Variants in EZH2 observed in about 807,000 individuals in gnomAD.
EZH2 encodes histone-lysine N-methyltransferase EZH2.
A neutral mutation model predicts 98.4 loss-of-function variants in EZH2; 18 were observed. The ratio of observed to expected loss-of-function variants is 0.18; its 90% confidence interval spans 0.13 to 0.27. The LOEUF is 0.27. EZH2 is among the 10% of genes least tolerant of loss of function. EZH2 has a pLI of 1.00. For missense variants in EZH2, 470 were observed against 935.1 expected, an observed-to-expected ratio of 0.50 and a Z score of 6.49; for synonymous variants, 338 against 312.3, an observed-to-expected ratio of 1.08 and a Z score of -0.87.
intron 1 of EZH2, among the ~76,000 whole-genome samples, chr7:148,867,065 G>A (rs1488341979): frequency 5.3e-5 from 8 of 149,960 alleles, no homozygotes; most frequent in African/African-American, 1.2e-4. Context: ...GGTGGCTCAC[G>A]CCTGTAATCC....
chr7:148,836,122 C>CT (rs1377489305), intron 3 of EZH2, among the ~76,000 whole-genome samples: 1 of 152,174 alleles, frequency 6.6e-6, no homozygotes, highest in Non-Finnish European at 1.5e-5. Flanking sequence ...GGCTTCACCT[C>CT]TGTCTTGAAA....
At chr7:148,879,274 G>A (rs185802915) in intron 1 of EZH2, among the ~76,000 whole-genome samples, 85 of 150,236 alleles carry the variant, frequency 5.7e-4, no homozygotes, top group African/African-American at 2.0e-3. Flanking sequence ...AACACAGCAG[G>A]GTGTGGTGGC....
intron 1 of EZH2, among the ~76,000 whole-genome samples, chr7:148,875,770 C>G (rs373802482): frequency 1.3e-5 from 2 of 152,170 alleles, no homozygotes; most frequent in Non-Finnish European, 2.9e-5. Context: ...GTGATAGCAG[C>G]TTTATCAACA....
Position 148,826,514 on chromosome 7 carries a change from T to C in EZH2, c.847A>G (p.Thr283Ala). Reference protein sequence around the residue: ...QREQSLHSFHTLFCRRCFKYD... With the variant: ...QREQSLHSFHALFCRRCFKYD... Reference sequence around the variant, plus strand: ...TTAAAACATCGCCTACAGAAAAGCGTATGAAAGGAGTGTAAGCTTTGCTCT... The same window carrying C: ...TTAAAACATCGCCTACAGAAAAGCGCATGAAAGGAGTGTAAGCTTTGCTCT... Residue 283 changes from threonine to alanine, a missense_variant, in exon 8 of 20, where the codon ACG becomes GCG. This residue lies in a region of EZH2 where 192 missense variants were observed against 306.8 expected (regional missense o/e 0.63). Coordinates refer to ENST00000320356, the MANE Select transcript of EZH2 (RefSeq NM_004456.5). 1 of 1,605,468 alleles carries C rather than the reference T, an allele frequency of 6.2e-7. No homozygotes were observed. Among genetic ancestry groups the C allele is most frequent in the Non-Finnish European group, 8.5e-7 (1 of 1,174,680 alleles).
At chr7:148,817,163 G>C in intron 11 of EZH2, 59 bp downstream of exon 11, 1 of 1,481,098 alleles carries the variant, frequency 6.8e-7, no homozygotes, top group Non-Finnish European at 9.1e-7. Context: ...TGGACAACGA[G>C]TACAGTTTTA....
intron 1 of EZH2, among the ~76,000 whole-genome samples, chr7:148,854,297 G>A (rs932317111): frequency 1.5e-4 from 23 of 152,054 alleles, no homozygotes; most frequent in African/African-American, 2.4e-4. Context: ...TTAGCCAGGC[G>A]TGGTGGCGGG....
rs374249299 is a variant in EZH2 at position 148,823,527 on chromosome 7, CTG to C, written c.907+2925_907+2926del. Among the ~76,000 whole-genome samples the C allele has an allele frequency of 1.8e-4, 28 of 151,812 alleles. No individual in the cohort carries two copies. The East Asian group carries it at 3.5e-3, about 19-fold the overall frequency. ...GGTATCTTTATACTTGTCAAAGAAA[CTG>C]TAAAAAAAATACGAGAACCAATAAA... On this transcript the variant is annotated intron_variant, in intron 8 of 19. Coordinates refer to ENST00000320356, the MANE Select transcript of EZH2 (RefSeq NM_004456.5).
At chr7:148,869,138 T>G (rs770034087) in intron 1 of EZH2, among the ~76,000 whole-genome samples, 1 of 152,082 alleles carries the variant, frequency 6.6e-6, no homozygotes, top group Admixed American at 6.5e-5. Flanking sequence ...GCATTAGATG[T>G]TCTATGAATT....
chr7:148,864,312 G>T (rs1264950543), intron 1 of EZH2, among the ~76,000 whole-genome samples: 1 of 152,068 alleles, frequency 6.6e-6, no homozygotes, highest in African/African-American at 2.4e-5. Context: ...CTGAAGAACT[G>T]AACTATTTTA....
rs529293305 is a variant in EZH2 at position 148,855,615 on chromosome 7, A to T, written c.-7-8310T>A. Among the ~76,000 whole-genome samples, 11 of 152,226 alleles carry T rather than the reference A, an allele frequency of 7.2e-5. No individual in the cohort carries two copies. In the South Asian group the frequency reaches 2.3e-3, roughly 32 times the overall value. ...TATCAGCATTAAAAAAGTAGTGGCT[A>T]TCAGGTGGGCGCTGTGGCTCCCGCC... On this transcript the variant is annotated intron_variant, in intron 1 of 19. Coordinates refer to ENST00000320356, the MANE Select transcript of EZH2 (RefSeq NM_004456.5).
At chr7:148,833,225 G>A (rs1489113142) in intron 3 of EZH2, among the ~76,000 whole-genome samples, 12 of 152,070 alleles carry the variant, frequency 7.9e-5, no homozygotes, top group Admixed American at 6.6e-4. Flanking sequence ...TTGGGAGGCC[G>A]AGACGGGCGG....
At chr7:148,829,452 T>C (rs1808698140) in intron 5 of EZH2, among the ~76,000 whole-genome samples, 1 of 152,082 alleles carries the variant, frequency 6.6e-6, no homozygotes, top group African/African-American at 2.4e-5. Flanking sequence ...CTACATACAC[T>C]CAAGTTCTAT....
chr7:148,811,851 T>C (rs1338089398), intron 15 of EZH2, 131 bp from the exon 16 acceptor site: 2 of 698,960 alleles, frequency 2.9e-6, no homozygotes, highest in East Asian at 2.7e-5. Flanking sequence ...AGGCAGTAAT[T>C]GGGCACACAG....
At position 148,815,907 on chromosome 7, in the gene EZH2, C is replaced by T. The variant is rs28538403; in HGVS notation, c.1506-361G>A. Among the ~76,000 whole-genome samples the T allele has an allele frequency of 4.8e-3, 726 of 152,274 alleles. 10 individuals carry two copies. Among genetic ancestry groups the T allele is most frequent in the African/African-American group, 0.016 (667 of 41,556 alleles). On this transcript the variant is annotated intron_variant, in intron 12 of 19. Coordinates refer to ENST00000320356, the MANE Select transcript of EZH2 (RefSeq NM_004456.5). ...CATCATAAACCAAGCAAGTGAACTA[C>T]GTGGTCAGAAATAATTCAACCAAAA...
At chr7:148,864,416 C>A (rs1009455692) in intron 1 of EZH2, among the ~76,000 whole-genome samples, 10 of 152,216 alleles carry the variant, frequency 6.6e-5, no homozygotes, top group African/African-American at 2.4e-4. Flanking sequence ...GGGGCCATGG[C>A]TCACACCTGT....
chr7:148,811,740 C>T lies in EZH2; in HGVS notation c.1852-20G>A, dbSNP rs1347350627. On this transcript the variant is annotated intron_variant, in intron 15 of 19. Transcript: ENST00000320356. Reference sequence around the variant, plus strand: ...TAGATGCTAGAGAATAAAACACAATCACATCATCAAAAAAGGAGGGTGAAA... The same window carrying T: ...TAGATGCTAGAGAATAAAACACAATTACATCATCAAAAAAGGAGGGTGAAA... 2 of 1,599,902 alleles carry T rather than the reference C, an allele frequency of 1.3e-6. No homozygotes were observed. Among genetic ancestry groups the T allele is most frequent in the South Asian group, 1.1e-5 (1 of 90,534 alleles).
intron 12 of EZH2, among the ~76,000 whole-genome samples, chr7:148,816,371 T>C (rs1014682835): frequency 3.0e-4 from 46 of 152,228 alleles, no homozygotes; most frequent in Non-Finnish European, 1.5e-4. Flanking sequence ...GAACATTTCA[T>C]GATGTTAAAG....
chr7:148,841,456 T>C lies in EZH2; in HGVS notation c.246+5014A>G, dbSNP rs539606616. 5.8e-4 allele frequency among the ~76,000 whole-genome samples: 89 copies of C among 152,292 alleles called. 2 individuals carry two copies. The highest frequency in any genetic ancestry group is 1.0e-3 in the Non-Finnish European group (71 of 68,010). On this transcript the variant is annotated intron_variant, in intron 3 of 19. Transcript: ENST00000320356. Reference sequence around the variant, plus strand: ...AGAAAGCAACTCAGAGACCACTTCCTTGAGGCAATAAGAATGAGTGTATAT... The same window carrying C: ...AGAAAGCAACTCAGAGACCACTTCCCTGAGGCAATAAGAATGAGTGTATAT...
intron 1 of EZH2, among the ~76,000 whole-genome samples, chr7:148,869,229 T>C (rs1818965992): frequency 6.6e-6 from 1 of 151,950 alleles, no homozygotes; most frequent in African/African-American, 2.4e-5. Flanking sequence ...TACCATCACC[T>C]GTGATGGTAA....
Sources: gnomAD v4.1 joint callset for allele counts (sites outside exome capture counted in the v4.1 genomes callset) on GRCh38, gnomAD v4.1.1 for gene constraint, gnomAD v4.1.1 regional missense constraint, MANE v1.5 for transcripts, NCBI Gene and HGNC (gene_info 2026-07-23, HGNC 2026-07-21) for gene names.